SCAF4: variants seen among roughly 807,000 people sequenced by gnomAD.
The protein encoded by SCAF4 is SR-related and CTD-associated factor 4.
A neutral mutation model predicts 129.8 loss-of-function variants in SCAF4; 25 were observed. That is an observed-to-expected ratio of 0.19 (90% confidence interval 0.14 to 0.27). The LOEUF is 0.27. SCAF4 is among the 10% of genes least tolerant of loss of function. The pLI is 1.00. For missense variants in SCAF4, 1,246 were observed against 1,457.1 expected, an observed-to-expected ratio of 0.86 and a Z score of 2.36; for synonymous variants, 551 against 497.7, an observed-to-expected ratio of 1.11 and a Z score of -1.43.
At chr21:31,678,241 G>T (rs188398540) in intron 19 of SCAF4, among the ~76,000 whole-genome samples, 24 of 152,266 alleles carry the variant, frequency 1.6e-4, no homozygotes, top group South Asian at 8.3e-4. Context: ...CACTCCTACA[G>T]ATTTGCGCAT....
At chr21:31,684,854 G>A in intron 19 of SCAF4, 195 bp downstream of exon 19, 1 of 578,060 alleles carries the variant, frequency 1.7e-6, no homozygotes, top group South Asian at 2.1e-5. Context: ...TAAAGATCAA[G>A]TACACATATT....
intron 1 of SCAF4, 32 bp from the exon 2 acceptor site, chr21:31,706,389 GT>G: frequency 7.0e-7 from 1 of 1,437,870 alleles, no homozygotes; most frequent in Non-Finnish European, 9.7e-7. Context: ...AAAAAGTAAA[GT>G]TTAACTATTT....
chr21:31,671,232 T>TTTTGTGGCTA lies in SCAF4; in HGVS notation c.*157_*166dup. ...TTCATATTTTCAGTATTTTTTGTTA[T>TTTTGTGGCTA]TTTGTGGCTATTTTTAAATAGAAGG... is the stretch of plus-strand genomic sequence containing the variant. On this transcript the variant is annotated 3_prime_UTR_variant, in exon 20 of 20. Transcript: ENST00000286835. The TTTTGTGGCTA allele has an allele frequency of 1.8e-6, 1 of 565,590 alleles. No homozygotes were observed. Among genetic ancestry groups the TTTTGTGGCTA allele is most frequent in the Non-Finnish European group, 2.9e-6 (1 of 350,706 alleles). The allele number at this position is 565,590 out of a possible 1,614,324, so 35.0% of individuals were successfully genotyped here. A position where few individuals can be genotyped will look rare whatever the true frequency, so the allele number is the denominator to read the frequency against.
At chr21:31,709,567 A>G (rs1394282314) in intron 1 of SCAF4, among the ~76,000 whole-genome samples, 1 of 152,190 alleles carries the variant, frequency 6.6e-6, no homozygotes, top group Non-Finnish European at 1.5e-5. Context: ...GTAGCTTTTA[A>G]GGAAACACTC....
Position 31,672,205 on chromosome 21 carries a change from G to A in SCAF4, c.2638C>T (p.Pro880Ser). 2 of 1,608,996 alleles carry A rather than the reference G, an allele frequency of 1.2e-6. No individual in the cohort carries two copies. Among genetic ancestry groups the A allele is most frequent in the Middle Eastern group, 1.7e-4 (1 of 6,012 alleles). ...CTGTGCATCATGTGCGGTGGCATGGGACGGGGCGGCATCAAAGGGAACCGC... is the reference window on the plus strand; with the variant it reads ...CTGTGCATCATGTGCGGTGGCATGGAACGGGGCGGCATCAAAGGGAACCGC... ...LQRFPLMPPRPMPPHMMHRGP... is the reference protein window; with the variant it reads ...LQRFPLMPPRSMPPHMMHRGP... The change falls in exon 20 of 20, where the codon CCC (proline) becomes TCC (serine). Residue 880 changes from proline (P) to serine (S), a missense_variant. Pro to Ser is a moderately conservative substitution (Grantham distance 74). Coordinates refer to ENST00000286835, the MANE Select transcript of SCAF4 (RefSeq NM_020706.2).
intron 1 of SCAF4, among the ~76,000 whole-genome samples, chr21:31,724,007 C>T (rs1283018718): frequency 2.0e-5 from 3 of 152,180 alleles, no homozygotes; most frequent in South Asian, 2.1e-4. Context: ...TACTACTAAT[C>T]TGGTACAGTG....
intron 1 of SCAF4, among the ~76,000 whole-genome samples, chr21:31,712,264 CTGGAGTGCAG>C (rs1211688543): frequency 6.9e-6 from 1 of 143,926 alleles, no homozygotes; most frequent in East Asian, 2.0e-4. Flanking sequence ...GTCTCCCATG[CTGGAGTGCAG>C]TGGTGGGATC....
rs564004989 is a variant in SCAF4 at position 31,696,329 on chromosome 21, A to G, written c.960-108T>C. The stretch of plus-strand genomic sequence containing the variant: ...TCATGAGTCATTAACATTTTACTGA[A>G]CCATATATTTACCTATATATTAAAT... On this transcript the variant is annotated intron_variant, in intron 8 of 19. Transcript: ENST00000286835. 200 of 811,430 alleles carry G rather than the reference A, an allele frequency of 2.5e-4. No homozygotes were observed. In the African/African-American group the frequency reaches 3.2e-3, roughly 13 times the overall value. 50.3% of individuals were successfully genotyped at this position (811,430 alleles called of 1,614,324 possible).
At chr21:31,688,194 G>GCA in intron 16 of SCAF4, 113 bp downstream of exon 16, 1 of 570,132 alleles carries the variant, frequency 1.8e-6, no homozygotes, top group Non-Finnish European at 2.6e-6. Flanking sequence ...AATGTAATAT[G>GCA]CACATATATG....
At chr21:31,705,832 T>C (rs1037872876) in intron 2 of SCAF4, among the ~76,000 whole-genome samples, 1 of 152,334 alleles carries the variant, frequency 6.6e-6, no homozygotes, top group Admixed American at 6.5e-5. Context: ...TTTAACTTCA[T>C]GGAGCTTGAA....
At chr21:31,724,496 A>T (rs1439020373) in intron 1 of SCAF4, among the ~76,000 whole-genome samples, 1 of 152,230 alleles carries the variant, frequency 6.6e-6, no homozygotes, top group African/African-American at 2.4e-5. Context: ...GTGCTAAAAA[A>T]GGATTTGGCA....
intron 1 of SCAF4, among the ~76,000 whole-genome samples, chr21:31,726,246 C>T (rs1373880434): frequency 1.3e-5 from 2 of 152,102 alleles, no homozygotes; most frequent in Admixed American, 6.5e-5. Flanking sequence ...GGGGTTTCAC[C>T]GTGTTAGCCA....
intron 19 of SCAF4, among the ~76,000 whole-genome samples, chr21:31,681,236 AATAAAC>A (rs997903575): frequency 2.6e-5 from 4 of 152,256 alleles, no homozygotes; most frequent in African/African-American, 9.6e-5. Context: ...ATAATTAATG[AATAAAC>A]ATACTTGTCA....
At chr21:31,675,351 T>C (rs1185457985) in intron 19 of SCAF4, among the ~76,000 whole-genome samples, 2 of 152,134 alleles carry the variant, frequency 1.3e-5, no homozygotes, top group Admixed American at 1.3e-4. Context: ...GTGTATAGGA[T>C]AGCTAAGAGG....
At chr21:31,719,689 A>G (rs1048725076) in intron 1 of SCAF4, among the ~76,000 whole-genome samples, 1 of 152,048 alleles carries the variant, frequency 6.6e-6, no homozygotes, top group Non-Finnish European at 1.5e-5. Context: ...TTTTTAGTAG[A>G]GACAGGGTTT....
intron 1 of SCAF4, among the ~76,000 whole-genome samples, chr21:31,724,415 T>C (rs926740183): frequency 6.6e-6 from 1 of 152,148 alleles, no homozygotes; most frequent in Non-Finnish European, 1.5e-5. Context: ...AGCTGCTTAT[T>C]CTGCTATATA....
At chr21:31,673,189 C>G (rs2049755816) in intron 19 of SCAF4, among the ~76,000 whole-genome samples, 1 of 152,126 alleles carries the variant, frequency 6.6e-6, no homozygotes, top group Non-Finnish European at 1.5e-5. Flanking sequence ...ATATAAGAGT[C>G]ACGCAAGTTC....
intron 1 of SCAF4, among the ~76,000 whole-genome samples, chr21:31,728,562 T>G (rs2051266205): frequency 6.6e-6 from 1 of 152,236 alleles, no homozygotes. Flanking sequence ...GGGGAGTTAC[T>G]ATTTATTATA....
intron 3 of SCAF4, 87 bp from the exon 4 acceptor site, chr21:31,704,013 A>C (rs1472578600): frequency 3.9e-6 from 3 of 765,370 alleles, no homozygotes; most frequent in Non-Finnish European, 4.1e-6. Context: ...AAACTTTTAT[A>C]TATCCATCCA....
Sources: allele counts gnomAD v4.1 joint callset (sites outside exome capture counted in the v4.1 genomes callset), GRCh38; gene constraint gnomAD v4.1.1; transcripts MANE v1.5; gene names NCBI Gene and HGNC (gene_info 2026-07-23, HGNC 2026-07-21).